Variants in FRMD4B observed in about 807,000 individuals in gnomAD.
The protein encoded by FRMD4B is FERM domain containing 4B, also known as FERM domain-containing protein 4B.
FRMD4B carries 74 observed loss-of-function variants against 141.5 expected under a neutral mutation model. The ratio of observed to expected loss-of-function variants is 0.52; its 90% CI spans 0.43 to 0.63. The LOEUF (loss-of-function observed/expected upper bound fraction) is 0.63. Among genes scored for constraint, FRMD4B ranks in the 30% least tolerant of loss-of-function variants. FRMD4B has a pLI of 0.00. For synonymous variants in FRMD4B, 506 were observed against 467.9 expected, an observed-to-expected ratio of 1.08 and a Z score of -1.05; for missense variants, 1,366 against 1,253.4, an observed-to-expected ratio of 1.09 and a Z score of -1.36.
chr3:69,245,834 GTTTT>G (rs1183774603), intron 7 of FRMD4B, among the ~76,000 whole-genome samples: 7 of 78,358 alleles, frequency 8.9e-5, no homozygotes, highest in Admixed American at 1.5e-4. Flanking sequence ...AGGCTAATTT[GTTTT>G]TTTTTTTTTT....
chr3:69,475,734 G>A (rs1019249870), intron 1 of FRMD4B, among the ~76,000 whole-genome samples: 6 of 150,552 alleles, frequency 4.0e-5, no homozygotes, highest in African/African-American at 9.9e-5. Flanking sequence ...TAATGGGATG[G>A]CTGGGTCAAA....
chr3:69,410,726 AATATATATATATATAT>A (rs767608068), intron 2 of FRMD4B, among the ~76,000 whole-genome samples: 121 of 86,294 alleles, frequency 1.4e-3, no homozygotes, highest in African/African-American at 3.6e-3. Flanking sequence ...TAAATAAATA[AATATATATATATATAT>A]ATATATATAT....
chr3:69,359,517 A>T (rs191931533), intron 1 of FRMD4B, among the ~76,000 whole-genome samples: 1 of 152,230 alleles, frequency 6.6e-6, no homozygotes, highest in African/African-American at 2.4e-5. Context: ...TCAGGATCAC[A>T]TGTTTTAGCA....
At chr3:69,330,703 C>T (rs892041900) in intron 1 of FRMD4B, among the ~76,000 whole-genome samples, 34 of 151,836 alleles carry the variant, frequency 2.2e-4, no homozygotes, top group Admixed American at 2.1e-3. Context: ...CACTATGTTG[C>T]CCAGGCTGGT....
chr3:69,253,810 T>C (rs2093477395), intron 5 of FRMD4B, among the ~76,000 whole-genome samples: 1 of 152,352 alleles, frequency 6.6e-6, no homozygotes, highest in Admixed American at 6.5e-5. Context: ...TATTGAAGTC[T>C]GGCTCAGGGG....
At chr3:69,220,574 A>T (rs1025113782) in intron 9 of FRMD4B, among the ~76,000 whole-genome samples, 6 of 152,168 alleles carry the variant, frequency 3.9e-5, no homozygotes, top group African/African-American at 1.4e-4. Context: ...ATTAGAGGCT[A>T]GGCACAGTGG....
At chr3:69,221,584 T>G (rs2093195249) in intron 9 of FRMD4B, among the ~76,000 whole-genome samples, 2 of 152,236 alleles carry the variant, frequency 1.3e-5, no homozygotes, top group Admixed American at 6.5e-5. Flanking sequence ...CTACTCAGGA[T>G]GAAAGCTCAC....
intron 2 of FRMD4B, among the ~76,000 whole-genome samples, chr3:69,423,640 T>C (rs1006436697): frequency 1.3e-5 from 2 of 152,172 alleles, no homozygotes; most frequent in Non-Finnish European, 2.9e-5. Context: ...TGATAGGAGA[T>C]AGGGCCTCTG....
intron 1 of FRMD4B, among the ~76,000 whole-genome samples, chr3:69,524,449 G>C (rs1157471905): frequency 6.6e-6 from 1 of 152,228 alleles, no homozygotes; most frequent in East Asian, 1.9e-4. Context: ...GCTGTCATGT[G>C]TTGAGGCTTT....
intron 4 of FRMD4B, among the ~76,000 whole-genome samples, chr3:69,294,248 G>T (rs147774039): frequency 6.6e-6 from 1 of 152,172 alleles, no homozygotes; most frequent in African/African-American, 2.4e-5. Context: ...GCAGCCACAC[G>T]CCTAGGTAGA....
intron 5 of FRMD4B, among the ~76,000 whole-genome samples, chr3:69,255,640 G>A (rs945739307): frequency 6.6e-6 from 1 of 152,078 alleles, no homozygotes; most frequent in Admixed American, 6.6e-5. Flanking sequence ...CTTTTTTTGA[G>A]CAGACAATTC....
chr3:69,284,277 C>T (rs1351791), intron 5 of FRMD4B, among the ~76,000 whole-genome samples: 144,918 of 152,210 alleles, frequency 0.95, 69,425 homozygotes, highest in East Asian at 1. Flanking sequence ...AGGGTCTCCT[C>T]TGAGGATTCG....
At chr3:69,211,121 T>A (rs916556832) in intron 11 of FRMD4B, among the ~76,000 whole-genome samples, 11 of 151,302 alleles carry the variant, frequency 7.3e-5, no homozygotes, top group African/African-American at 2.2e-4. Flanking sequence ...TAACCAGTGA[T>A]CCAAGAATAT....
chr3:69,496,680 A>T (rs975084164), intron 1 of FRMD4B, among the ~76,000 whole-genome samples: 4 of 139,864 alleles, frequency 2.9e-5, no homozygotes, highest in Middle Eastern at 7.6e-3. Context: ...AGAGAGAGAC[A>T]GGGAGATTAG....
At chr3:69,397,312 T>G (rs1704489846) in intron 2 of FRMD4B, among the ~76,000 whole-genome samples, 2 of 151,216 alleles carry the variant, frequency 1.3e-5, no homozygotes, top group African/African-American at 4.9e-5. Flanking sequence ...TGCCAGGGAG[T>G]TGGGGCGTGA....
intron 1 of FRMD4B, among the ~76,000 whole-genome samples, chr3:69,487,818 C>T (rs939344871): frequency 2.6e-5 from 4 of 152,148 alleles, no homozygotes; most frequent in African/African-American, 9.7e-5. Flanking sequence ...GAAGCATGAA[C>T]CTGGGAAGAT....
intron 1 of FRMD4B, among the ~76,000 whole-genome samples, chr3:69,364,742 T>C (rs916841503): frequency 2.0e-5 from 3 of 152,188 alleles, no homozygotes; most frequent in African/African-American, 4.8e-5. Context: ...GGTTAAATTA[T>C]ATTTAAGTTA....
At chr3:69,517,656 G>T (rs1326944497) in intron 1 of FRMD4B, among the ~76,000 whole-genome samples, 1 of 152,056 alleles carries the variant, frequency 6.6e-6, no homozygotes, top group Non-Finnish European at 1.5e-5. Flanking sequence ...GAAAAGAACC[G>T]GGCTTCCTGA....
chr3:69,478,839 T>G (rs1287998279), intron 1 of FRMD4B, among the ~76,000 whole-genome samples: 1 of 151,978 alleles, frequency 6.6e-6, no homozygotes, highest in Admixed American at 6.6e-5. Context: ...TGTGGGAGTC[T>G]AAGTCTCTTT....
Sources: gnomAD v4.1 joint callset for allele counts (sites outside exome capture counted in the v4.1 genomes callset) on GRCh38, gnomAD v4.1.1 for gene constraint, MANE v1.5 for transcripts, NCBI Gene and HGNC (gene_info 2026-07-23, HGNC 2026-07-21) for gene names.